Variants in GRIN3A observed in about 807,000 individuals in gnomAD.
The protein encoded by GRIN3A is glutamate ionotropic receptor NMDA type subunit 3A, also known as glutamate receptor ionotropic, NMDA 3A.
GRIN3A carries 47 observed loss-of-function variants against 92.4 expected under a neutral mutation model. The ratio of observed to expected loss-of-function variants is 0.51; its 90% confidence interval spans 0.40 to 0.65. The LOEUF (loss-of-function observed/expected upper bound fraction) is 0.65, where lower values mean the gene tolerates loss of function less well. Among genes scored for constraint, GRIN3A ranks in the 30% least tolerant of loss-of-function variants. The pLI is 0.00. For missense variants in GRIN3A, 1,324 were observed against 1,393.1 expected, an observed-to-expected ratio of 0.95 and a Z score of 0.79; for synonymous variants, 527 against 540.6, an observed-to-expected ratio of 0.97 and a Z score of 0.35.
chr9:101,661,180 C>T (rs1829166906), intron 3 of GRIN3A, among the ~76,000 whole-genome samples: 1 of 151,832 alleles, frequency 6.6e-6, no homozygotes, highest in Non-Finnish European at 1.5e-5. Context: ...CCGCAGACAG[C>T]AGCAGCACAT....
At chr9:101,579,124 G>A in intron 7 of GRIN3A, 72 bp downstream of exon 7, 1 of 1,500,858 alleles carries the variant, frequency 6.7e-7, no homozygotes, top group Non-Finnish European at 9.3e-7. Flanking sequence ...TCTGACATAG[G>A]GCTCTGGATC....
At chr9:101,672,604 A>T (rs1564141178) in intron 2 of GRIN3A, among the ~76,000 whole-genome samples, 1 of 152,166 alleles carries the variant, frequency 6.6e-6, no homozygotes, top group Non-Finnish European at 1.5e-5. Flanking sequence ...TTACAAATAC[A>T]AATAGAAGAA....
At chr9:101,672,153 T>A (rs953439210) in intron 2 of GRIN3A, among the ~76,000 whole-genome samples, 3 of 152,194 alleles carry the variant, frequency 2.0e-5, no homozygotes, top group Non-Finnish European at 4.4e-5. Context: ...TCTAGCCACC[T>A]GCTAACATGG....
chr9:101,582,719 G>A (rs1588235673), intron 6 of GRIN3A, among the ~76,000 whole-genome samples: 1 of 152,122 alleles, frequency 6.6e-6, no homozygotes. Context: ...AATTTAGTTT[G>A]GACTGTAACA....
At chr9:101,630,089 C>T (rs971369149) in intron 3 of GRIN3A, among the ~76,000 whole-genome samples, 1 of 152,202 alleles carries the variant, frequency 6.6e-6, no homozygotes, top group Non-Finnish European at 1.5e-5. Context: ...TCAGCATTGT[C>T]TGTCCAACAT....
At chr9:101,730,198 C>G (rs1000457444) in intron 1 of GRIN3A, among the ~76,000 whole-genome samples, 1 of 152,104 alleles carries the variant, frequency 6.6e-6, no homozygotes, top group African/African-American at 2.4e-5. Context: ...ATTGCGGGTA[C>G]ACTTCAGTGA....
intron 2 of GRIN3A, among the ~76,000 whole-genome samples, chr9:101,685,646 G>A (rs558092277): frequency 4.6e-5 from 7 of 151,296 alleles, no homozygotes; most frequent in Admixed American, 6.6e-5. Context: ...GGACATTTTC[G>A]TTCTAGTTTC....
At chr9:101,610,023 A>C (rs1487306527) in intron 6 of GRIN3A, among the ~76,000 whole-genome samples, 1 of 152,232 alleles carries the variant, frequency 6.6e-6, no homozygotes, top group East Asian at 1.9e-4. Context: ...ATTCTGAATC[A>C]CTTGAAGATG....
intron 1 of GRIN3A, among the ~76,000 whole-genome samples, chr9:101,698,909 C>A (rs544483174): frequency 6.6e-6 from 1 of 152,232 alleles, no homozygotes; most frequent in East Asian, 1.9e-4. Flanking sequence ...ACCTCATGAT[C>A]TGCCCACGTT....
At chr9:101,694,289 A>G (rs1189258423) in intron 1 of GRIN3A, among the ~76,000 whole-genome samples, 2 of 152,178 alleles carry the variant, frequency 1.3e-5, no homozygotes, top group Non-Finnish European at 2.9e-5. Context: ...TCCATTTTAT[A>G]CCAGGCTATG....
At chr9:101,664,282 C>A (rs1483559868) in intron 3 of GRIN3A, among the ~76,000 whole-genome samples, 1 of 151,898 alleles carries the variant, frequency 6.6e-6, no homozygotes, top group Non-Finnish European at 1.5e-5. Flanking sequence ...TTATTTTCTG[C>A]ATTGCCTATA....
chr9:101,676,953 T>C (rs761076264), intron 2 of GRIN3A, among the ~76,000 whole-genome samples: 5 of 151,954 alleles, frequency 3.3e-5, no homozygotes, highest in Non-Finnish European at 7.4e-5. Context: ...CGACGAATCT[T>C]CTAATTAAAA....
Position 101,628,382 on chromosome 9 carries a change from C to T in GRIN3A, c.2372G>A (p.Gly791Glu). The T allele has an allele frequency of 6.2e-7, 1 of 1,613,698 alleles. No individual in the cohort carries two copies. Among genetic ancestry groups the T allele is most frequent in the Non-Finnish European group, 8.5e-7 (1 of 1,179,798 alleles). Residue 791 changes from glycine to glutamate, a missense_variant, in exon 4 of 9, where the codon GGA becomes GAA. Physicochemically the swap from Gly to Glu is moderately conservative, Grantham distance 98 (BLOSUM62 -2). Coordinates refer to ENST00000361820, the MANE Select transcript of GRIN3A (RefSeq NM_133445.3). ...TTCTCGGACAGTTCCAAAGCGGAAT[C>T]CTTGGGAAGGATGATGTAACTATGA... ...HDPKLHHPSQ[G>E]FRFGTVRESS... is the part of the protein sequence containing the mutation.
intron 3 of GRIN3A, among the ~76,000 whole-genome samples, chr9:101,629,960 T>C (rs185112398): frequency 2.6e-5 from 4 of 152,356 alleles, no homozygotes; most frequent in Admixed American, 2.6e-4. Flanking sequence ...ACTGAAGCGA[T>C]GATGTTTATT....
chr9:101,687,668 A>T (rs959947250), intron 1 of GRIN3A, among the ~76,000 whole-genome samples: 1 of 152,242 alleles, frequency 6.6e-6, no homozygotes, highest in East Asian at 1.9e-4. Flanking sequence ...TATAAGGATG[A>T]TGTGAAAGAT....
chr9:101,733,875 T>G (rs1477999774), intron 1 of GRIN3A, among the ~76,000 whole-genome samples: 1 of 152,046 alleles, frequency 6.6e-6, no homozygotes, highest in African/African-American at 2.4e-5. Context: ...ATTAAAAAAT[T>G]TTTTTAAGAG....
intron 3 of GRIN3A, among the ~76,000 whole-genome samples, chr9:101,659,915 A>C (rs1266029478): frequency 1.3e-5 from 2 of 151,926 alleles, no homozygotes; most frequent in East Asian, 3.9e-4. Flanking sequence ...TAAATAAATA[A>C]GTTACATGTA....
intron 3 of GRIN3A, among the ~76,000 whole-genome samples, chr9:101,652,377 G>A: frequency 1.3e-5 from 2 of 152,044 alleles, no homozygotes; most frequent in Middle Eastern, 6.8e-3. Context: ...TTCTCATGTG[G>A]TGGTTTCCAT....
intron 3 of GRIN3A, among the ~76,000 whole-genome samples, chr9:101,650,626 C>T (rs1233393192): frequency 6.6e-6 from 1 of 151,914 alleles, no homozygotes; most frequent in Non-Finnish European, 1.5e-5. Flanking sequence ...TTGTTGTATG[C>T]CGATATTTTA....
Sources: gnomAD v4.1 joint callset for allele counts (sites outside exome capture counted in the v4.1 genomes callset) on GRCh38, gnomAD v4.1.1 for gene constraint, MANE v1.5 for transcripts, NCBI Gene and HGNC (gene_info 2026-07-23, HGNC 2026-07-21) for gene names.